Variants in ZNF678 observed in about 807,000 individuals in gnomAD.
ZNF678 encodes the protein hypothetical protein MGC42493.
Under a neutral mutation model 3.0 loss-of-function variants are expected in ZNF678, and 5 were observed. The observed-to-expected ratio is 1.69, with a 90% CI of 0.88 to 3.56. ZNF678 has a LOEUF of 3.56. Among genes scored for constraint, ZNF678 ranks in the 30% most tolerant of loss-of-function variants. ZNF678 has a pLI of 0.00. For missense variants in ZNF678, 593 were observed against 605.0 expected, an observed-to-expected ratio of 0.98 and a Z score of 0.21; for synonymous variants, 218 against 199.6, an observed-to-expected ratio of 1.09 and a Z score of -0.78.
chr1:227,613,517 A>G (rs1658073770), intron 1 of ZNF678, among the ~76,000 whole-genome samples: 1 of 152,208 alleles, frequency 6.6e-6, no homozygotes, highest in Non-Finnish European at 1.5e-5. Flanking sequence ...CAGTTACGAC[A>G]TTGCTGCCTC....
chr1:227,577,090 G>A (rs56349581), intron 1 of ZNF678, among the ~76,000 whole-genome samples: 29,655 of 152,156 alleles, frequency 0.19, 3,062 homozygotes, highest in East Asian at 0.25. Context: ...TAGTTTGATT[G>A]TGTTGTGGTC....
In ZNF678 at chr1:227,656,356, A is replaced by G. The variant is rs1157962084; in HGVS notation, c.*528A>G. The G allele has an allele frequency of 6.6e-6, 1 of 151,892 alleles. No individual in the cohort carries two copies. The highest frequency in any genetic ancestry group is 1.5e-5 in the Non-Finnish European group (1 of 67,832). 9.4% of individuals were successfully genotyped at this position (151,892 alleles called of 1,614,324 possible). ...TATGTAAATTTAAATGAATCAAGAG[A>G]TGATGTCTTTTTGAAGCACAGTTAC... On this transcript the variant is annotated 3_prime_UTR_variant, in exon 4 of 4. Transcript: ENST00000343776.
intron 1 of ZNF678, among the ~76,000 whole-genome samples, chr1:227,620,502 A>G (rs1321868700): frequency 1.3e-5 from 2 of 152,134 alleles, no homozygotes; most frequent in Non-Finnish European, 2.9e-5. Context: ...TGACAATATT[A>G]TTGTTGATTT....
chr1:227,654,017 C>G (rs1659151410), intron 3 of ZNF678, among the ~76,000 whole-genome samples: 1 of 151,996 alleles, frequency 6.6e-6, no homozygotes, highest in Admixed American at 6.6e-5. Flanking sequence ...GAAGTTTACT[C>G]TTAAAGGCAC....
At chr1:227,666,711 T>C (rs1015919090), downstream of ZNF678, among the ~76,000 whole-genome samples, 2 of 150,986 alleles carry the variant, frequency 1.3e-5, no homozygotes, top group East Asian at 3.9e-4. Context: ...GGGTCCACGC[T>C]CTCTCCTTTT....
intron 1 of ZNF678, among the ~76,000 whole-genome samples, chr1:227,641,477 T>TA (rs544070167): frequency 2.0e-4 from 31 of 151,952 alleles, no homozygotes; most frequent in African/African-American, 2.9e-4. Flanking sequence ...TTCAATTTTA[T>TA]AAAAAAAAGC....
In ZNF678 at chr1:227,651,018, T is replaced by G; in HGVS notation, c.27T>G (p.Gly9=). 6.2e-7 allele frequency: 1 copy of G among 1,613,438 alleles called. No homozygotes were observed. The highest frequency in any genetic ancestry group is 8.5e-7 in the Non-Finnish European group (1 of 1,179,786). Residue 9 remains glycine (G), a synonymous_variant, in exon 3 of 4, where the codon GGT becomes GGG. Transcript: ENST00000343776. MGTISLCI[G]VCAFEGANTS... is the part of the protein sequence containing the mutation. ...TGGGCACAATATCACTTTGCATTGG[T>G]GTCTGTGCATTTGAAGGAGCAAACA...
At chr1:227,625,737 T>C (rs1199122307) in intron 1 of ZNF678, among the ~76,000 whole-genome samples, 2 of 152,098 alleles carry the variant, frequency 1.3e-5, no homozygotes, top group Admixed American at 1.3e-4. Flanking sequence ...TTGTAGGGGC[T>C]AGGGGTGCTT....
chr1:227,565,246 A>G (rs1327150997), intron 1 of ZNF678, among the ~76,000 whole-genome samples: 10 of 151,098 alleles, frequency 6.6e-5, no homozygotes, highest in Non-Finnish European at 1.3e-4. Flanking sequence ...TTGTATTTAT[A>G]GTAGAGACGG....
chr1:227,599,477 ATGAC>A (rs1657679478), intron 1 of ZNF678, among the ~76,000 whole-genome samples: 1 of 152,216 alleles, frequency 6.6e-6, no homozygotes, highest in South Asian at 2.1e-4. Context: ...TAAATTCAGA[ATGAC>A]TGAGTTATAC....
At chr1:227,641,270 C>A (rs2102791299) in intron 1 of ZNF678, among the ~76,000 whole-genome samples, 1 of 152,296 alleles carries the variant, frequency 6.6e-6, no homozygotes. Context: ...AGAGTGCCAA[C>A]ACACAAGGCA....
At chr1:227,652,161 T>C (rs1403359580) in intron 3 of ZNF678, among the ~76,000 whole-genome samples, 1 of 152,228 alleles carries the variant, frequency 6.6e-6, no homozygotes, top group East Asian at 1.9e-4. Flanking sequence ...CTTTTATTAT[T>C]ACTTGATGCT....
In ZNF678 at chr1:227,654,893, G is replaced by T. The variant is rs1373473943; in HGVS notation, c.643G>T (p.Gly215Cys). 1.2e-6 allele frequency: 2 copies of T among 1,608,604 alleles called. No individual in the cohort carries two copies. The highest frequency in any genetic ancestry group is 1.7e-6 in the Non-Finnish European group (2 of 1,179,052). ...GEKPYPCEEC[G>C]KAFTQFSNLT... ...GAAACCATACCCATGTGAAGAATGTGGCAAAGCCTTTACCCAGTTCTCAAA... is the reference window on the plus strand; with the variant it reads ...GAAACCATACCCATGTGAAGAATGTTGCAAAGCCTTTACCCAGTTCTCAAA... Residue 215 changes from glycine to cysteine, a missense_variant, in exon 4 of 4, where the codon GGC becomes TGC. Physicochemically the swap from Gly to Cys is radical, Grantham distance 159 (BLOSUM62 -3). Transcript: ENST00000343776.
chr1:227,612,813 G>A (rs1658052953), intron 1 of ZNF678, among the ~76,000 whole-genome samples: 1 of 152,136 alleles, frequency 6.6e-6, no homozygotes, highest in Non-Finnish European at 1.5e-5. Context: ...CCAACAAAGA[G>A]CACGCCTCAC....
chr1:227,671,557 C>G (rs1425199983), intron 5 of ZNF678, among the ~76,000 whole-genome samples: 1 of 152,162 alleles, frequency 6.6e-6, no homozygotes, highest in Non-Finnish European at 1.5e-5. Context: ...ATTCTCCATC[C>G]AACACTTGCA....
At chr1:227,608,294 AG>A (rs1180239097) in intron 1 of ZNF678, among the ~76,000 whole-genome samples, 1 of 152,104 alleles carries the variant, frequency 6.6e-6, no homozygotes, top group African/African-American at 2.4e-5. Context: ...TTTAAGGATT[AG>A]GTGAGTACTA....
At chr1:227,650,735 A>G (rs1346465108) in intron 2 of ZNF678, among the ~76,000 whole-genome samples, 1 of 152,210 alleles carries the variant, frequency 6.6e-6, no homozygotes, top group Non-Finnish European at 1.5e-5. Context: ...ATGTTACCGT[A>G]AATGAGTTTT....
chr1:227,593,556 C>A (rs967210462), intron 1 of ZNF678, among the ~76,000 whole-genome samples: 2 of 152,022 alleles, frequency 1.3e-5, no homozygotes, highest in Admixed American at 6.5e-5. Context: ...TTTACTAATG[C>A]CCAGTCTGAG....
chr1:227,676,880 C>T (rs569267494), intron 5 of ZNF678, among the ~76,000 whole-genome samples: 35 of 152,248 alleles, frequency 2.3e-4, no homozygotes, highest in African/African-American at 8.2e-4. Flanking sequence ...CATAGTATTC[C>T]ATGGTGTATA....
Sources: gnomAD v4.1 joint callset for allele counts (sites outside exome capture counted in the v4.1 genomes callset) on GRCh38, gnomAD v4.1.1 for gene constraint, MANE v1.5 for transcripts, NCBI Gene and HGNC (gene_info 2026-07-23, HGNC 2026-07-21) for gene names.